The following NXPE2 variants were observed in gnomAD, a reference collection of about 807,000 sequenced individuals.
NXPE2 encodes the protein neurexophilin and PC-esterase domain family member 2, also known as NXPE family member 2.
Under a neutral mutation model 34.4 loss-of-function variants are expected in NXPE2, and 34 were observed. The observed-to-expected ratio is 0.99, with a 90% CI of 0.75 to 1.31. NXPE2 has a LOEUF of 1.31. Ranked by LOEUF, NXPE2 falls within the 40% of genes most tolerant of loss-of-function variation. The pLI is 0.00. For missense variants in NXPE2, 649 were observed against 672.5 expected, an observed-to-expected ratio of 0.97 and a Z score of 0.39; for synonymous variants, 235 against 231.3, an observed-to-expected ratio of 1.02 and a Z score of -0.15.
At chr11:114,650,447 A>T in the NXPE2 span, among the ~76,000 whole-genome samples, 1 of 152,164 alleles carries the variant, frequency 6.6e-6, no homozygotes, top group Non-Finnish European at 1.5e-5. Context: ...GGGTACTCCT[A>T]TTTGGTGCAG....
the NXPE2 span, among the ~76,000 whole-genome samples, chr11:114,712,927 A>C: frequency 6.6e-6 from 1 of 152,240 alleles, no homozygotes. Context: ...ATATACATAC[A>C]GTGAAAAACC....
At chr11:114,527,975 A>G in the NXPE2 span, 1 of 1,126,706 alleles carries the variant, frequency 8.9e-7, no homozygotes, top group Non-Finnish European at 1.3e-6. Context: ...TCTGCTTGTG[A>G]GTGAAGGAAA....
chr11:114,629,604 C>T, the NXPE2 span, among the ~76,000 whole-genome samples: 3 of 152,024 alleles, frequency 2.0e-5, no homozygotes, highest in African/African-American at 7.2e-5. Flanking sequence ...CCTTTGAAAA[C>T]TGGCACAAGA....
chr11:114,573,949 C>A, the NXPE2 span, among the ~76,000 whole-genome samples: 1 of 152,024 alleles, frequency 6.6e-6, no homozygotes, highest in Non-Finnish European at 1.5e-5. Context: ...CAAGATAGAG[C>A]ATATGATAGG....
chr11:114,750,158 T>C, the NXPE2 span, among the ~76,000 whole-genome samples: 1 of 152,176 alleles, frequency 6.6e-6, no homozygotes, highest in East Asian at 1.9e-4. Flanking sequence ...TCCGTCTTGC[T>C]CTGCCTACCT....
intron 2 of NXPE2, among the ~76,000 whole-genome samples, chr11:114,691,806 C>T (rs935832502): frequency 1.3e-5 from 2 of 151,870 alleles, no homozygotes; most frequent in African/African-American, 4.8e-5. Context: ...GCAGATAGTG[C>T]TGAGGGTTAG....
At chr11:114,580,343 C>T in the NXPE2 span, 1 of 1,612,654 alleles carries the variant, frequency 6.2e-7, no homozygotes, top group Non-Finnish European at 8.5e-7. Flanking sequence ...TTTCTTCTGC[C>T]AAAGAATCAA....
the NXPE2 span, among the ~76,000 whole-genome samples, chr11:114,757,282 C>A: frequency 4.6e-5 from 7 of 151,758 alleles, no homozygotes; most frequent in Non-Finnish European, 1.0e-4. Context: ...GCAGATTCTT[C>A]CCTTACTAAT....
chr11:114,632,129 A>G, the NXPE2 span, among the ~76,000 whole-genome samples: 10 of 144,058 alleles, frequency 6.9e-5, 1 homozygote, highest in Non-Finnish European at 1.5e-4. Flanking sequence ...ATTATAATAA[A>G]ATATATTATA....
At chr11:114,605,305 G>A in the NXPE2 span, among the ~76,000 whole-genome samples, 1 of 151,884 alleles carries the variant, frequency 6.6e-6, no homozygotes, top group Non-Finnish European at 1.5e-5. Flanking sequence ...TGACTTGTGG[G>A]TAACCACTCT....
chr11:114,698,453 C>T lies in NXPE2; in HGVS notation c.541C>T (p.Leu181=), dbSNP rs1380555848. The change falls in exon 3 of 6, where the codon CTG becomes TTG. Residue 181 remains leucine (L), a synonymous_variant. Transcript: ENST00000389586. ...CGGCACCTACCTGGTCAGCTTCACTCTGTTCTGGGAGGGCCAGGTTTCCCT... is the reference window on the plus strand; with the variant it reads ...CGGCACCTACCTGGTCAGCTTCACTTTGTTCTGGGAGGGCCAGGTTTCCCT... ...NNGTYLVSFT[L]FWEGQVSLSL... 1.9e-6 allele frequency: 3 copies of T among 1,614,008 alleles called. No homozygotes were observed. The highest frequency in any genetic ancestry group is 2.2e-5 in the East Asian group (1 of 44,882).
At chr11:114,764,218 G>C in the NXPE2 span, among the ~76,000 whole-genome samples, 1 of 152,218 alleles carries the variant, frequency 6.6e-6, no homozygotes, top group South Asian at 2.1e-4. Context: ...GGGGTTTGGG[G>C]ATAGCTAGAT....
chr11:114,500,524 T>C, the NXPE2 span, among the ~76,000 whole-genome samples: 3 of 152,140 alleles, frequency 2.0e-5, no homozygotes, highest in African/African-American at 7.2e-5. Flanking sequence ...TGGATATAAG[T>C]TGTCAGATTT....
At chr11:114,581,649 C>T in the NXPE2 span, 1 of 1,241,940 alleles carries the variant, frequency 8.1e-7, no homozygotes, top group African/African-American at 1.5e-5. Context: ...AAACAGTGAA[C>T]AAATCCAGTA....
the NXPE2 span, among the ~76,000 whole-genome samples, chr11:114,794,141 C>G: frequency 6.6e-6 from 1 of 152,178 alleles, no homozygotes. Flanking sequence ...CCCGTCGGCT[C>G]TCCATCATCT....
At chr11:114,797,790 C>T in the NXPE2 span, among the ~76,000 whole-genome samples, 1 of 152,090 alleles carries the variant, frequency 6.6e-6, no homozygotes, top group Non-Finnish European at 1.5e-5. Context: ...ACGAATAATG[C>T]TTATATTATA....
the NXPE2 span, among the ~76,000 whole-genome samples, chr11:114,762,616 C>T: frequency 1.3e-5 from 2 of 152,190 alleles, no homozygotes; most frequent in Non-Finnish European, 2.9e-5. Context: ...TGGGCTTGCA[C>T]TGACCCCTGG....
Position 114,678,532 on chromosome 11 carries a change from A to G in NXPE2, c.-44A>G. On this transcript the variant is annotated 5_prime_UTR_variant, in exon 1 of 6. Transcript: ENST00000389586. Reference sequence around the variant, plus strand: ...ATAAATGCAAAGACTGCTTTAATCAAGGAGAGTCTCTGGACACTATAATTC... The same window carrying G: ...ATAAATGCAAAGACTGCTTTAATCAGGGAGAGTCTCTGGACACTATAATTC... 6.8e-7 allele frequency: 1 copy of G among 1,478,466 alleles called. No individual in the cohort carries two copies. Among genetic ancestry groups the G allele is most frequent in the Non-Finnish European group, 9.2e-7 (1 of 1,083,976 alleles). The allele number at this position is 1,478,466 out of a possible 1,614,324, so 91.6% of individuals were successfully genotyped here. A position where few individuals can be genotyped will look rare whatever the true frequency, so the allele number is the denominator to read the frequency against.
At chr11:114,811,333 A>G in the NXPE2 span, among the ~76,000 whole-genome samples, 1 of 92,222 alleles carries the variant, frequency 1.1e-5, no homozygotes, top group African/African-American at 3.9e-5. Context: ...CTTAAAGTAT[A>G]ATAATAATAA....
Sources: gnomAD v4.1 joint callset for allele counts (sites outside exome capture counted in the v4.1 genomes callset) on GRCh38, gnomAD v4.1.1 for gene constraint, MANE v1.5 for transcripts, NCBI Gene and HGNC (gene_info 2026-07-23, HGNC 2026-07-21) for gene names.